AUTS2: variants seen among roughly 807,000 people sequenced by gnomAD.
The protein encoded by AUTS2 is activator of transcription and developmental regulator AUTS2, also known as autism susceptibility gene 2 protein.
In AUTS2, 17 loss-of-function variants were observed where a neutral mutation model predicts 112.4. The ratio of observed to expected loss-of-function variants is 0.15; its 90% confidence interval spans 0.10 to 0.23. The LOEUF (loss-of-function observed/expected upper bound fraction) is 0.23, where lower values mean the gene tolerates loss of function less well. Ranked by LOEUF, AUTS2 falls within the 10% of genes least tolerant of loss-of-function variation. The probability of loss-of-function intolerance (pLI) is 1.00; values close to 1 mark genes in which losing one functional copy is unlikely to be tolerated. For missense variants in AUTS2, 1,510 were observed against 1,701.6 expected, an observed-to-expected ratio of 0.89 and a Z score of 1.98; for synonymous variants, 751 against 702.7, an observed-to-expected ratio of 1.07 and a Z score of -1.09.
intron 5 of AUTS2, among the ~76,000 whole-genome samples, chr7:70,697,861 A>G (rs923930252): frequency 4.6e-5 from 7 of 152,202 alleles, no homozygotes; most frequent in Non-Finnish European, 1.0e-4. Flanking sequence ...CCAGAACATT[A>G]GTGTATAATT....
Position 70,791,909 on chromosome 7 carries a change from G to A in AUTS2, c.*913G>A, listed in dbSNP as rs1414814634. 6.6e-6 allele frequency: 1 copy of A among 152,290 alleles called. No individual in the cohort carries two copies. The highest frequency in any genetic ancestry group is 1.5e-5 in the Non-Finnish European group (1 of 68,048). 9.4% of individuals were successfully genotyped at this position (152,290 alleles called of 1,614,324 possible). On this transcript the variant is annotated 3_prime_UTR_variant, in exon 19 of 19. Transcript: ENST00000342771. ...GATTTGCCAGATGCCAAAATCAGGG[G>A]ACGGGTGGTGGTGTCTGTCAGACAC... is the stretch of plus-strand genomic sequence containing the variant.
intron 2 of AUTS2, among the ~76,000 whole-genome samples, chr7:70,068,722 T>G (rs1296293911): frequency 6.6e-6 from 1 of 152,208 alleles, no homozygotes; most frequent in Non-Finnish European, 1.5e-5. Context: ...ACAAGGTGAT[T>G]AATGTAGCCA....
At chr7:70,534,245 T>C (rs1214421779) in intron 5 of AUTS2, among the ~76,000 whole-genome samples, 1 of 152,228 alleles carries the variant, frequency 6.6e-6, no homozygotes, top group Non-Finnish European at 1.5e-5. Flanking sequence ...TGCCTTTTGC[T>C]GCTCTTTTAC....
chr7:70,787,360 C>G lies in AUTS2; in HGVS notation c.2460C>G (p.Ser820=), dbSNP rs138800328. The part of the protein sequence containing the change: ...LKPGELERSA[S]AAAHDRDRDV... ...CAGGGGAGCTGGAGCGCAGCGCGTC[C>G]GCTGCAGCTCATGACAGAGATAGAG... Residue 820 remains serine, a synonymous_variant, in exon 18 of 19, where the codon TCC becomes TCG. Coordinates refer to ENST00000342771, the MANE Select transcript of AUTS2 (RefSeq NM_015570.4). 1.2e-6 allele frequency: 2 copies of G among 1,614,014 alleles called. No individual in the cohort carries two copies. Among genetic ancestry groups the G allele is most frequent in the Non-Finnish European group, 1.7e-6 (2 of 1,179,926 alleles).
chr7:70,376,394 CTT>C (rs1161675960), intron 4 of AUTS2, among the ~76,000 whole-genome samples: 1 of 151,970 alleles, frequency 6.6e-6, no homozygotes, highest in Non-Finnish European at 1.5e-5. Context: ...TTAAACAACA[CTT>C]TAAAAATGCA....
At chr7:70,060,900 C>G (rs1016193473) in intron 2 of AUTS2, among the ~76,000 whole-genome samples, 2 of 152,184 alleles carry the variant, frequency 1.3e-5, no homozygotes, top group African/African-American at 4.8e-5. Flanking sequence ...CCAGGTGGAG[C>G]CTGCCTGGTC....
Position 70,781,926 on chromosome 7 carries a change from T to G in AUTS2, c.2146+170T>G, listed in dbSNP as rs951391. ...ACATCCAGGGAGTTGGGAATCTTCA[T>G]TGATACACTCTCTTTCATTAAAGGA... On this transcript the variant is annotated intron_variant, in intron 15 of 18. Coordinates refer to ENST00000342771, the MANE Select transcript of AUTS2 (RefSeq NM_015570.4). The G allele has an allele frequency of 0.16, 115,676 of 740,266 alleles. 10,938 individuals are homozygous for G. The highest frequency in any genetic ancestry group is 0.39 in the East Asian group (13,964 of 35,544). The allele number at this position is 740,266 out of a possible 1,614,324, so 45.9% of individuals were successfully genotyped here. A position where few individuals can be genotyped will look rare whatever the true frequency, so the allele number is the denominator to read the frequency against.
At chr7:69,692,214 C>G (rs1198416621) in intron 1 of AUTS2, among the ~76,000 whole-genome samples, 3 of 152,204 alleles carry the variant, frequency 2.0e-5, no homozygotes, top group Non-Finnish European at 4.4e-5. Context: ...GATAATAGAA[C>G]AAACGTAATT....
At chr7:70,361,415 T>C (rs538780979) in intron 4 of AUTS2, among the ~76,000 whole-genome samples, 193 of 152,278 alleles carry the variant, frequency 1.3e-3, no homozygotes, top group Non-Finnish European at 2.2e-3. Context: ...TTTGTTTGGC[T>C]CAGTGTTCAT....
chr7:70,343,666 G>A (rs763996274), intron 4 of AUTS2, among the ~76,000 whole-genome samples: 1 of 152,182 alleles, frequency 6.6e-6, no homozygotes, highest in African/African-American at 2.4e-5. Context: ...TGGATATAAG[G>A]GAATACAAGG....
intron 2 of AUTS2, among the ~76,000 whole-genome samples, chr7:70,090,068 A>G (rs1723054770): frequency 6.6e-6 from 1 of 151,148 alleles, no homozygotes; most frequent in African/African-American, 2.4e-5. Flanking sequence ...ATAAAATAAA[A>G]TAGAAATCAA....
chr7:70,309,819 G>A (rs546834655), intron 4 of AUTS2, among the ~76,000 whole-genome samples: 15 of 152,284 alleles, frequency 9.9e-5, no homozygotes, highest in Admixed American at 2.6e-4. Context: ...GCACATCAGC[G>A]CTTCAGTGAT....
intron 1 of AUTS2, among the ~76,000 whole-genome samples, chr7:69,891,202 C>G (rs1002426701): frequency 2.6e-5 from 4 of 152,186 alleles, no homozygotes; most frequent in African/African-American, 7.2e-5. Flanking sequence ...TTCATATTTC[C>G]TAGGATTTTA....
At chr7:69,759,651 T>C (rs895522356) in intron 1 of AUTS2, among the ~76,000 whole-genome samples, 11 of 151,918 alleles carry the variant, frequency 7.2e-5, no homozygotes, top group African/African-American at 2.7e-4. Context: ...TTAGATCTCC[T>C]CAGTGCCTGT....
At chr7:70,093,330 A>G (rs1804020262) in intron 2 of AUTS2, among the ~76,000 whole-genome samples, 8 of 152,178 alleles carry the variant, frequency 5.3e-5, no homozygotes, top group Admixed American at 5.2e-4. Context: ...CATCGTGGTT[A>G]TACAAATGAG....
chr7:70,254,257 C>G (rs1332609382), intron 4 of AUTS2, among the ~76,000 whole-genome samples: 1 of 152,144 alleles, frequency 6.6e-6, no homozygotes, highest in Non-Finnish European at 1.5e-5. Flanking sequence ...CTCTAAAAAT[C>G]AAGTAATTAT....
chr7:70,689,775 CAAAAA>C (rs60869776), intron 5 of AUTS2, among the ~76,000 whole-genome samples: 1 of 74,702 alleles, frequency 1.3e-5, no homozygotes, highest in Non-Finnish European at 2.6e-5. Flanking sequence ...GACTCCGTCT[CAAAAA>C]AAAAAAAAAA....
chr7:70,232,142 C>G (rs1812088682), intron 4 of AUTS2, among the ~76,000 whole-genome samples: 1 of 152,152 alleles, frequency 6.6e-6, no homozygotes. Context: ...TTTCCTCTAG[C>G]TTCTTTTACT....
intron 2 of AUTS2, among the ~76,000 whole-genome samples, chr7:70,106,538 G>A (rs1444422252): frequency 6.6e-6 from 1 of 152,098 alleles, no homozygotes; most frequent in Non-Finnish European, 1.5e-5. Context: ...TTGGTAACGT[G>A]GCAAAATCTT....
Sources: allele counts gnomAD v4.1 joint callset (sites outside exome capture counted in the v4.1 genomes callset), GRCh38; gene constraint gnomAD v4.1.1; transcripts MANE v1.5; gene names NCBI Gene and HGNC (gene_info 2026-07-23, HGNC 2026-07-21).